NAGPA: variants seen among roughly 807,000 people sequenced by gnomAD.
NAGPA encodes the protein N-acetylglucosamine-1-phosphodiester alpha-N-acetylglucosaminidase.
In NAGPA, 56 loss-of-function variants were observed where a neutral mutation model predicts 48.5. The ratio of observed to expected loss-of-function variants is 1.15; its 90% CI spans 0.93 to 1.44. The LOEUF (loss-of-function observed/expected upper bound fraction) is 1.44, where lower values mean the gene tolerates loss of function less well. NAGPA is among the 40% of genes most tolerant of loss of function. The pLI, the probability that NAGPA is intolerant of heterozygous loss-of-function variation, is 0.00. For synonymous variants in NAGPA, 399 were observed against 315.5 expected, an observed-to-expected ratio of 1.26 and a Z score of -2.81; for missense variants, 888 against 735.0, an observed-to-expected ratio of 1.21 and a Z score of -2.41.
At chr16:5,027,772 G>C in intron 7 of NAGPA, 74 bp downstream of exon 7, 11 of 1,539,952 alleles carry the variant, frequency 7.1e-6, no homozygotes, top group Non-Finnish European at 9.7e-6. Flanking sequence ...GGTGGAGACA[G>C]AAGCAGCAGA....
At chr16:5,030,693 G>A (rs1424092532) in intron 3 of NAGPA, 200 bp from the exon 4 acceptor site, 2 of 634,898 alleles carry the variant, frequency 3.2e-6, no homozygotes, top group East Asian at 2.8e-5. Context: ...GGTAAACCAA[G>A]CTATGCCAGC....
chr16:5,033,283 G>C lies in NAGPA; in HGVS notation c.532C>G (p.Leu178Val), dbSNP rs536449176. 3 of 1,594,170 alleles carry C rather than the reference G, an allele frequency of 1.9e-6. No homozygotes were observed. The highest frequency in any genetic ancestry group is 2.7e-5 in the African/African-American group (2 of 74,864). ...TCCCTGCCTCCTCACCCGGTGACCA[G>C]GGTCCCGTCGCGGCGGATCCCGAAC... ...AQFGIRRDGT[L>V]VTGYLSEEEV... is the part of the protein sequence containing the mutation. Residue 178 changes from leucine (L) to valine (V), a missense_variant, in exon 2 of 10, where the codon CTG (leucine) becomes GTG (valine). Leu to Val is a conservative substitution (Grantham distance 32). Transcript: ENST00000312251. The surrounding 1 kb of genome is among the most constrained non-coding windows in gnomAD (Gnocchi z 4.2).
chr16:5,028,402 AT>A (rs746682627), intron 5 of NAGPA: 368 of 888,740 alleles, frequency 4.1e-4, no homozygotes, highest in Non-Finnish European at 5.2e-4. Flanking sequence ...CGCCTGCCTA[AT>A]TTTTTTTTAT....
In NAGPA at chr16:5,030,430, C is replaced by T. The variant is rs1217051088; in HGVS notation, c.746G>A (p.Gly249Glu). Residue 249 changes from glycine (G) to glutamate (E), a missense_variant, in exon 4 of 10, where the codon GGG becomes GAG. Coordinates refer to ENST00000312251, the MANE Select transcript of NAGPA (RefSeq NM_016256.4). ...ARTAIGHDRKGQLVLFHADGQ... is the reference protein window; with the variant it reads ...ARTAIGHDRKEQLVLFHADGQ... The stretch of plus-strand genomic sequence containing the variant: ...GTCTGCATGAAAGAGCACCAGCTGC[C>T]CTTTCCGGTCGTGGCCAATGGCCGT... 2 of 1,553,992 alleles carry T rather than the reference C, an allele frequency of 1.3e-6. No homozygotes were observed. Among genetic ancestry groups the T allele is most frequent in the Non-Finnish European group, 1.7e-6 (2 of 1,148,050 alleles).
At position 5,031,845 on chromosome 16, in the gene NAGPA, T is replaced by C; in HGVS notation, c.582A>G (p.Pro194=). 1 of 1,614,044 alleles carries C rather than the reference T, an allele frequency of 6.2e-7. No homozygotes were observed. ...SEEEVLDTEN[P]FVQLLSGVVW... ...CGACCCCACTCAGCAGCTGCACAAA[T>C]GGGTTCTCAGTGTCCAGCACCTCCT... Residue 194 remains proline (P), a synonymous_variant, in exon 3 of 10, where the codon CCA becomes CCG. Transcript: ENST00000312251.
At position 5,027,702 on chromosome 16, in the gene NAGPA, C is replaced by T. The variant is rs933760338; in HGVS notation, c.1174+144G>A. 3.0e-5 allele frequency: 38 copies of T among 1,253,328 alleles called. No individual in the cohort carries two copies. In the Admixed American group the frequency reaches 5.0e-4, roughly 16 times the overall value. 77.6% of individuals were successfully genotyped at this position (1,253,328 alleles called of 1,614,324 possible). ...CCGCAGCAGCCACAGGGGAGTCACA[C>T]AGTGATGTGCAGGTGAGGCCGGGGC... On this transcript the variant is annotated intron_variant, in intron 7 of 9. Coordinates refer to ENST00000312251, the MANE Select transcript of NAGPA (RefSeq NM_016256.4).
chr16:5,025,123 G>A lies in NAGPA; in HGVS notation c.*355C>T, dbSNP rs549296815. ...GGTGCTGGCCAGGATGTGCTGTTCT[G>A]TCATGACGTGGTCACTGAGTCTGGT... On this transcript the variant is annotated 3_prime_UTR_variant, in exon 10 of 10. Transcript: ENST00000312251. 2.5e-5 allele frequency: 9 copies of A among 365,868 alleles called. No homozygotes were observed. The highest frequency in any genetic ancestry group is 4.7e-5 in the Non-Finnish European group (9 of 191,408). The allele number at this position is 365,868 out of a possible 1,614,324, so 22.7% of individuals were successfully genotyped here.
rs75889258 is a variant in NAGPA, at chr16:5,030,387, A to G, written c.789T>C (p.Arg263=). ...LFHADGQTEQ[R]GINLWEMAEF... ...GGGCCTCAGCTCCCAGGACTCACCC[A>G]CGCTGCTCCGTTTGGCCGTCTGCAT... Residue 263 remains arginine, a splice_region_variant and synonymous_variant, in exon 4 of 10, where the codon CGT becomes CGC. Transcript: ENST00000312251. 1.3e-4 allele frequency: 206 copies of G among 1,551,008 alleles called. No individual in the cohort carries two copies. In the African/African-American group the frequency reaches 2.6e-3, roughly 20 times the overall value.
rs1956080702 is a variant in NAGPA at position 5,030,577 on chromosome 16, C to T, written c.683-84G>A. Reference sequence around the variant, plus strand: ...TAACTCCACTTCCCACTGGTCTGAGCTACCTGGTACCTCCCTGGGAAGCAC... The same window carrying T: ...TAACTCCACTTCCCACTGGTCTGAGTTACCTGGTACCTCCCTGGGAAGCAC... On this transcript the variant is annotated intron_variant, in intron 3 of 9. Coordinates refer to ENST00000312251, the MANE Select transcript of NAGPA (RefSeq NM_016256.4). 9 of 1,096,114 alleles carry T rather than the reference C, an allele frequency of 8.2e-6. No individual in the cohort carries two copies. In the South Asian group the frequency reaches 1.1e-4, roughly 13 times the overall value. 67.9% of individuals were successfully genotyped at this position (1,096,114 alleles called of 1,614,324 possible).
At chr16:5,027,219 G>A in intron 8 of NAGPA, 21 bp from the exon 9 acceptor site, 1 of 1,614,258 alleles carries the variant, frequency 6.2e-7, no homozygotes, top group Non-Finnish European at 8.5e-7. Context: ...CCAGAGACAG[G>A]CTGAAGGGGC....
Position 5,025,313 on chromosome 16 carries a change from G to A in NAGPA, c.*165C>T, listed in dbSNP as rs1313484389. On this transcript the variant is annotated 3_prime_UTR_variant, in exon 10 of 10. Coordinates refer to ENST00000312251, the MANE Select transcript of NAGPA (RefSeq NM_016256.4). ...AGGGTTGCAGGTGCCCTGGCAGGTGGCCAGGTGAGGGGCTGAGGCACAAGT... is the reference window on the plus strand; with the variant it reads ...AGGGTTGCAGGTGCCCTGGCAGGTGACCAGGTGAGGGGCTGAGGCACAAGT... 1.3e-6 allele frequency: 1 copy of A among 791,544 alleles called. No individual in the cohort carries two copies. Among genetic ancestry groups the A allele is most frequent in the African/African-American group, 1.7e-5 (1 of 58,164 alleles). 49.0% of individuals were successfully genotyped at this position (791,544 alleles called of 1,614,324 possible).
chr16:5,033,712 C>A lies in NAGPA; in HGVS notation c.103G>T (p.Asp35Tyr), dbSNP rs1390519793. 5.0e-6 allele frequency: 8 copies of A among 1,603,316 alleles called. No individual in the cohort carries two copies. Among genetic ancestry groups the A allele is most frequent in the East Asian group, 2.2e-5 (1 of 44,726 alleles). The change falls in exon 2 of 10, where the codon GAC (aspartate) becomes TAC (tyrosine). Residue 35 changes from aspartate to tyrosine, a missense_variant. Transcript: ENST00000312251. The surrounding 1 kb of genome is among the most constrained non-coding windows in gnomAD (Gnocchi z 4.2). ...GCGCGTGGATAGGGCAGTAGCAAGT[C>A]GTCGTCGCGGGAGGCCCTGCGGGGA... The part of the protein sequence containing the change: ...GLDSGASRDD[D>Y]LLLPYPRARA...
chr16:5,028,985 T>A lies in NAGPA; in HGVS notation c.815A>T (p.Glu272Val). 2 of 1,613,740 alleles carry A rather than the reference T, an allele frequency of 1.2e-6. No individual in the cohort carries two copies. The highest frequency in any genetic ancestry group is 1.7e-6 in the Non-Finnish European group (2 of 1,180,042). Residue 272 changes from glutamate (E) to valine (V), a missense_variant, in exon 5 of 10, where the codon GAG becomes GTG. Glu to Val is a moderately radical substitution (Grantham distance 121). Coordinates refer to ENST00000312251, the MANE Select transcript of NAGPA (RefSeq NM_016256.4). ...QRGINLWEMA[E>V]FLLKQDVVNA... The stretch of plus-strand genomic sequence containing the variant: ...GACCACGTCCTGTTTCAGCAGGAAC[T>A]CCGCCATTTCCCACAGGTTGATGCT...
intron 4 of NAGPA, chr16:5,029,303 G>C (rs1225130470): frequency 6.8e-5 from 29 of 428,094 alleles, no homozygotes; most frequent in Non-Finnish European, 9.4e-5. Flanking sequence ...TTCTCTGGCT[G>C]GTGACAGAAT....
Position 5,025,101 on chromosome 16 carries a change from G to A in NAGPA, c.*377C>T. The A allele has an allele frequency of 3.6e-6, 1 of 280,366 alleles. No individual in the cohort carries two copies. The highest frequency in any genetic ancestry group is 6.9e-6 in the Non-Finnish European group (1 of 143,926). The allele number at this position is 280,366 out of a possible 1,614,324, so 17.4% of individuals were successfully genotyped here. ...CCTTTAACCCACTCCAGCCAGGGGT[G>A]CTGGCCAGGATGTGCTGTTCTGTCA... On this transcript the variant is annotated 3_prime_UTR_variant, in exon 10 of 10. Coordinates refer to ENST00000312251, the MANE Select transcript of NAGPA (RefSeq NM_016256.4).
Position 5,033,657 on chromosome 16 carries a change from C to T in NAGPA, c.158G>A (p.Arg53Gln), listed in dbSNP as rs756320574. ...GTGCTCGCGGTTGCCGGCGCGCACCCGTGTGCAGTCCCGGGGGAGGCGCGC... is the reference window on the plus strand; with the variant it reads ...GTGCTCGCGGTTGCCGGCGCGCACCTGTGTGCAGTCCCGGGGGAGGCGCGC... ...ARARLPRDCT[R>Q]VRAGNREHES... The change falls in exon 2 of 10, where the codon CGG becomes CAG. Residue 53 changes from arginine (R) to glutamine (Q), a missense_variant. By Grantham distance (43) the Arg-to-Gln change is conservative. Transcript: ENST00000312251. The surrounding 1 kb of genome is among the most constrained non-coding windows in gnomAD (Gnocchi z 4.2). The T allele has an allele frequency of 1.9e-6, 3 of 1,581,946 alleles. No individual in the cohort carries two copies. The highest frequency in any genetic ancestry group is 2.7e-5 in the African/African-American group (2 of 74,226).
chr16:5,030,266 G>C lies in NAGPA; in HGVS notation c.791+119C>G, dbSNP rs552319212. 9.8e-5 allele frequency: 89 copies of C among 909,754 alleles called. No individual in the cohort carries two copies. In the East Asian group the frequency reaches 1.8e-3, roughly 19 times the overall value. The allele number at this position is 909,754 out of a possible 1,614,324, so 56.4% of individuals were successfully genotyped here. ...AAGGTGAGGGGGCCCTGGGAGGGGG[G>C]ACAGATAGGTGTCAACATCCCAGAA... On this transcript the variant is annotated intron_variant, in intron 4 of 9. Coordinates refer to ENST00000312251, the MANE Select transcript of NAGPA (RefSeq NM_016256.4).
chr16:5,032,807 C>T (rs1042428798), intron 2 of NAGPA, among the ~76,000 whole-genome samples: 27 of 152,268 alleles, frequency 1.8e-4, no homozygotes, highest in East Asian at 3.9e-4. Context: ...TGGACTGAAA[C>T]GCTCTTCCTC....
At chr16:5,031,494 CT>C in intron 3 of NAGPA, 3 of 502,472 alleles carry the variant, frequency 6.0e-6, no homozygotes, top group Admixed American at 6.4e-5. Flanking sequence ...CGGTCCCCAT[CT>C]CTCCCCTTTC....
Sources: gnomAD v4.1 joint callset for allele counts (sites outside exome capture counted in the v4.1 genomes callset) on GRCh38, gnomAD v4.1.1 for gene constraint, Gnocchi (gnomAD v3.1) non-coding constraint, MANE v1.5 for transcripts, NCBI Gene and HGNC (gene_info 2026-07-23, HGNC 2026-07-21) for gene names.